Variants in SPATA33 observed in about 807,000 individuals in gnomAD.
The protein encoded by SPATA33 is spermatogenesis-associated protein 33.
SPATA33 carries 10 observed loss-of-function variants against 8.9 expected under a neutral mutation model. That is an observed-to-expected ratio of 1.12 (90% CI 0.69 to 1.90). The LOEUF (loss-of-function observed/expected upper bound fraction) is 1.90, where lower values mean the gene tolerates loss of function less well. SPATA33 is among the 40% of genes most tolerant of loss of function. The pLI is 0.00. For synonymous variants in SPATA33, 96 were observed against 72.8 expected (o/e 1.32, Z -1.63); for missense variants, 241 against 178.3 (o/e 1.35, Z -2.00).
chr16:89,660,979 C>G (rs1740956489), intron 2 of SPATA33: 1 of 1,000,070 alleles, frequency 1.0e-6, no homozygotes. Flanking sequence ...AAGAGCTTCC[C>G]TGTACGTCTC....
At chr16:89,667,744 C>G (rs140355416) in intron 2 of SPATA33, among the ~76,000 whole-genome samples, 4 of 152,354 alleles carry the variant, frequency 2.6e-5, no homozygotes, top group South Asian at 2.1e-4. Flanking sequence ...GGCTATGTAA[C>G]GCAGCACTGC....
chr16:89,657,802 A>T (rs1320285185), upstream of SPATA33: 6 of 1,485,466 alleles, frequency 4.0e-6, no homozygotes, highest in East Asian at 1.7e-4. Context: ...CGCGGTCGCC[A>T]TGGTGACGCA....
intron 2 of SPATA33, chr16:89,658,841 C>A: frequency 5.4e-6 from 1 of 186,146 alleles, no homozygotes; most frequent in East Asian, 1.3e-4. Flanking sequence ...GGAGGGTGAC[C>A]GAGGAGTAGA....
chr16:89,668,418 AAAC>A (rs2060054327), intron 2 of SPATA33, among the ~76,000 whole-genome samples: 1 of 152,208 alleles, frequency 6.6e-6, no homozygotes, highest in Non-Finnish European at 1.5e-5. Flanking sequence ...CAAAGCTGTA[AAAC>A]AACATGACCA....
chr16:89,658,060 T>C (rs1473461562), intron 1 of SPATA33, 112 bp downstream of exon 1: 2 of 1,461,122 alleles, frequency 1.4e-6, no homozygotes, highest in East Asian at 4.9e-5. Flanking sequence ...CTCGGCCCGG[T>C]GCGAACCGTT....
At chr16:89,665,242 G>A (rs1231606698) in intron 2 of SPATA33, among the ~76,000 whole-genome samples, 1 of 152,012 alleles carries the variant, frequency 6.6e-6, no homozygotes, top group Non-Finnish European at 1.5e-5. Context: ...CAATCTGCCT[G>A]CTTCAGCCTC....
At chr16:89,663,657 G>A (rs1419556112) in intron 2 of SPATA33, among the ~76,000 whole-genome samples, 3 of 152,040 alleles carry the variant, frequency 2.0e-5, no homozygotes, top group African/African-American at 7.2e-5. Flanking sequence ...TCTGTGAAGG[G>A]CAGGGCTTTG....
At chr16:89,657,790 C>G (rs939071595), upstream of SPATA33, 36 of 1,457,476 alleles carry the variant, frequency 2.5e-5, no homozygotes, top group African/African-American at 5.1e-4. Flanking sequence ...GGCTGCGCGG[C>G]GCGCGGTCGC....
In SPATA33 at chr16:89,663,511, C is replaced by G. The variant is rs916159448; in HGVS notation, c.211+5090C>G. Reference sequence around the variant, plus strand: ...CCGCTTGCCTCGGCCTCCTGAAATGCTAGGATTACAGGCGTGAGCCACCAT... The same window carrying G: ...CCGCTTGCCTCGGCCTCCTGAAATGGTAGGATTACAGGCGTGAGCCACCAT... On this transcript the variant is annotated intron_variant, in intron 2 of 2. Coordinates refer to ENST00000579310, the MANE Select transcript of SPATA33 (RefSeq NM_001271907.2). Among the ~76,000 whole-genome samples the G allele has an allele frequency of 5.9e-5, 9 of 152,280 alleles. No homozygotes were observed. The East Asian group carries it at 1.5e-3, about 26-fold the overall frequency.
At chr16:89,660,875 A>T (rs1267540288) in intron 2 of SPATA33, 1 of 1,104,270 alleles carries the variant, frequency 9.1e-7, no homozygotes, top group African/African-American at 1.6e-5. Context: ...GTGAGCAAAC[A>T]AGCCTTTAGT....
chr16:89,664,554 G>A (rs1597805631), intron 2 of SPATA33, among the ~76,000 whole-genome samples: 1 of 151,702 alleles, frequency 6.6e-6, no homozygotes, highest in South Asian at 2.1e-4. Context: ...AGTGTCAGAG[G>A]CTCTTTAGGG....
At chr16:89,661,175 A>G (rs1433443827) in intron 2 of SPATA33, 6 of 985,374 alleles carry the variant, frequency 6.1e-6, no homozygotes, top group Admixed American at 1.2e-4. Flanking sequence ...AAGTTTGGCC[A>G]TAAGTTAATC....
At chr16:89,665,986 C>A (rs1184618488) in intron 2 of SPATA33, among the ~76,000 whole-genome samples, 1 of 152,030 alleles carries the variant, frequency 6.6e-6, no homozygotes, top group Non-Finnish European at 1.5e-5. Flanking sequence ...GAGGCTGGGG[C>A]AGGAGAATCA....
At chr16:89,661,017 C>T (rs1419299234) in intron 2 of SPATA33, 2 of 991,292 alleles carry the variant, frequency 2.0e-6, no homozygotes, top group Non-Finnish European at 2.4e-6. Context: ...CTCCAACTGC[C>T]TGGACAACCA....
chr16:89,667,937 T>C (rs928330191), intron 2 of SPATA33: 1 of 152,350 alleles, frequency 6.6e-6, no homozygotes, highest in Non-Finnish European at 1.5e-5. Context: ...GTCTGAAATA[T>C]GGGTTGTCAG....
At chr16:89,665,743 G>C (rs2060018008) in intron 2 of SPATA33, among the ~76,000 whole-genome samples, 1 of 152,126 alleles carries the variant, frequency 6.6e-6, no homozygotes, top group Admixed American at 6.6e-5. Context: ...AAACACAAAA[G>C]ATCTTTTGGG....
intron 2 of SPATA33, chr16:89,659,561 C>G (rs943052053): frequency 2.6e-5 from 4 of 152,270 alleles, no homozygotes; most frequent in African/African-American, 9.7e-5. Flanking sequence ...GTAATCCCAG[C>G]TACTCAGGAG....
At position 89,670,153 on chromosome 16, in the gene SPATA33, C is replaced by G. The variant is rs1056767910; in HGVS notation, c.*656C>G. 3.3e-5 allele frequency: 5 copies of G among 151,898 alleles called. No homozygotes were observed. The highest frequency in any genetic ancestry group is 1.0e-4 in the African/African-American group (4 of 40,090). The allele number at this position is 151,898 out of a possible 1,614,324, so 9.4% of individuals were successfully genotyped here. A position where few individuals can be genotyped will look rare whatever the true frequency, so the allele number is the denominator to read the frequency against. Reference sequence around the variant, plus strand: ...GAAGCCGTGGCCCCCTTCTCCCGTGCTCTCAGGGAGGGTGCACCAGGCCTG... The same window carrying G: ...GAAGCCGTGGCCCCCTTCTCCCGTGGTCTCAGGGAGGGTGCACCAGGCCTG... On this transcript the variant is annotated 3_prime_UTR_variant, in exon 3 of 3. Coordinates refer to ENST00000579310, the MANE Select transcript of SPATA33 (RefSeq NM_001271907.2).
intron 2 of SPATA33, chr16:89,661,135 G>A: frequency 3.0e-6 from 3 of 985,462 alleles, no homozygotes; most frequent in Non-Finnish European, 3.6e-6. Context: ...AAGCAGTAGT[G>A]AGAAGAACAG....
Sources: allele counts gnomAD v4.1 joint callset (sites outside exome capture counted in the v4.1 genomes callset), GRCh38; gene constraint gnomAD v4.1.1; transcripts MANE v1.5; gene names NCBI Gene and HGNC (gene_info 2026-07-23, HGNC 2026-07-21).